Variants in TIPARP observed in about 807,000 individuals in gnomAD.
The protein encoded by TIPARP is TCDD inducible poly(ADP-ribose) polymerase, also known as protein mono-ADP-ribosyltransferase TIPARP.
TIPARP carries 12 observed loss-of-function variants against 56.5 expected under a neutral mutation model. The observed-to-expected ratio is 0.21, with a 90% CI of 0.14 to 0.34. The LOEUF is 0.34. TIPARP is among the 10% of genes least tolerant of loss of function. TIPARP has a pLI of 1.00. For missense variants in TIPARP, 604 were observed against 781.6 expected (o/e 0.77, Z 2.71); for synonymous variants, 296 against 265.7 (o/e 1.11, Z -1.11).
At chr3:156,696,115 A>G (rs1229039149) in intron 4 of TIPARP, 90 bp downstream of exon 4, 3 of 1,437,806 alleles carry the variant, frequency 2.1e-6, no homozygotes, top group African/African-American at 1.5e-5. Flanking sequence ...ATAAGAGTCT[A>G]CCTTGGTTAG....
At chr3:156,686,503 T>C (rs2108490384) in intron 2 of TIPARP, among the ~76,000 whole-genome samples, 1 of 152,328 alleles carries the variant, frequency 6.6e-6, no homozygotes, top group East Asian at 1.9e-4. Context: ...CATTCAAATC[T>C]CTAGTCTGCT....
chr3:156,705,325 T>A lies in TIPARP; in HGVS notation c.*194T>A. On this transcript the variant is annotated 3_prime_UTR_variant, in exon 6 of 6. Coordinates refer to ENST00000295924, the MANE Select transcript of TIPARP (RefSeq NM_015508.5). ...TTTAAAATGACCACTTACTCTTTAA[T>A]TATTTACTAATTGCTAGTGTACTCA... is the stretch of plus-strand genomic sequence containing the variant. 1 of 513,866 alleles carries A rather than the reference T, an allele frequency of 1.9e-6. No homozygotes were observed. Among genetic ancestry groups the A allele is most frequent in the South Asian group, 2.6e-5 (1 of 37,794 alleles). 31.8% of individuals were successfully genotyped at this position (513,866 alleles called of 1,614,324 possible). A position where few individuals can be genotyped will look rare whatever the true frequency, so the allele number is the denominator to read the frequency against.
intron 5 of TIPARP, 135 bp downstream of exon 5, chr3:156,703,837 C>T: frequency 2.2e-6 from 2 of 905,878 alleles, no homozygotes; most frequent in South Asian, 3.5e-5. Flanking sequence ...CACGGTGAAA[C>T]CCCGTCTCTA....
chr3:156,683,061 C>T (rs183544343), intron 2 of TIPARP, among the ~76,000 whole-genome samples: 17 of 152,264 alleles, frequency 1.1e-4, no homozygotes, highest in Admixed American at 3.9e-4. Context: ...GGTTTTTCAT[C>T]AATAAGCAGA....
At chr3:156,682,202 GCTAC>G (rs1722325880) in intron 2 of TIPARP, among the ~76,000 whole-genome samples, 1 of 152,164 alleles carries the variant, frequency 6.6e-6, no homozygotes, top group African/African-American at 2.4e-5. Flanking sequence ...TATTTTGGAG[GCTAC>G]CTGCAGGTGC....
chr3:156,677,864 T>C lies in TIPARP; in HGVS notation c.167T>C (p.Leu56Ser), dbSNP rs1722186320. ...KRLGTGTLRS[L>S]RPILNTLLES... is the part of the protein sequence containing the mutation. ...TTGGGAACTGGAACCCTGAGGTCTT[T>C]GAGGCCAATATTAAACACTCTTCTA... The change falls in exon 2 of 6, where the codon TTG (leucine) becomes TCG (serine). Residue 56 changes from leucine to serine, a missense_variant. This residue lies in a region of TIPARP where 261 missense variants were observed against 279.2 expected (regional missense o/e 0.93). Coordinates refer to ENST00000295924, the MANE Select transcript of TIPARP (RefSeq NM_015508.5). The C allele has an allele frequency of 6.2e-7, 1 of 1,614,156 alleles. No homozygotes were observed. The highest frequency in any genetic ancestry group is 8.5e-7 in the Non-Finnish European group (1 of 1,180,030).
chr3:156,682,521 AAG>A (rs1334057749), intron 2 of TIPARP, among the ~76,000 whole-genome samples: 1 of 152,222 alleles, frequency 6.6e-6, no homozygotes, highest in African/African-American at 2.4e-5. Flanking sequence ...CTCTATATAA[AAG>A]AGAAATGTAT....
At chr3:156,698,435 C>T (rs893698344) in intron 4 of TIPARP, among the ~76,000 whole-genome samples, 1 of 152,156 alleles carries the variant, frequency 6.6e-6, no homozygotes, top group African/African-American at 2.4e-5. Flanking sequence ...GCTATCTTGT[C>T]AAGGGCTAAT....
chr3:156,675,163 G>C (rs1370110941), intron 1 of TIPARP: 1 of 73,246 alleles, frequency 1.4e-5, no homozygotes, highest in Admixed American at 1.6e-4. Context: ...GCGCCTAGGA[G>C]CCCTTCCCAG....
In TIPARP at chr3:156,678,137, T is replaced by A. The variant is rs752087020; in HGVS notation, c.440T>A (p.Leu147His). ...GATCACAGCTTTCCATCAGAAACCC[T>A]CAGTGGGACGGTGGCAGATTCCACA... ...IQDHSFPSETLSGTVADSTPA... is the reference protein window; with the variant it reads ...IQDHSFPSETHSGTVADSTPA... Residue 147 changes from leucine to histidine, a missense_variant, in exon 2 of 6, where the codon CTC (leucine) becomes CAC (histidine). Transcript: ENST00000295924. The A allele has an allele frequency of 2.5e-6, 4 of 1,614,080 alleles. No homozygotes were observed. Among genetic ancestry groups the A allele is most frequent in the Non-Finnish European group, 3.4e-6 (4 of 1,180,022 alleles).
intron 1 of TIPARP, among the ~76,000 whole-genome samples, chr3:156,677,168 T>A (rs757272316): frequency 4.6e-5 from 7 of 152,250 alleles, no homozygotes; most frequent in Non-Finnish European, 1.0e-4. Context: ...ATTGACTCAC[T>A]GTTTTAAGTT....
intron 2 of TIPARP, among the ~76,000 whole-genome samples, chr3:156,686,091 C>T (rs528674775): frequency 6.6e-6 from 1 of 152,290 alleles, no homozygotes; most frequent in African/African-American, 2.4e-5. Flanking sequence ...AAAAGAAAGA[C>T]ATCCTTGAAT....
At chr3:156,681,224 A>G (rs1320230256) in intron 2 of TIPARP, 1 of 456,546 alleles carries the variant, frequency 2.2e-6, no homozygotes, top group East Asian at 6.9e-5. Flanking sequence ...GGCTAAAGCT[A>G]TTAATCTCTG....
At chr3:156,702,026 G>A (rs1722855776) in intron 4 of TIPARP, among the ~76,000 whole-genome samples, 2 of 10,196 alleles carry the variant, frequency 2.0e-4, no homozygotes, top group Non-Finnish European at 7.0e-4. Context: ...ATGCGGTGGT[G>A]GTGGTGGTGG....
chr3:156,675,011 T>TA (rs889641831), intron 1 of TIPARP: 1 of 152,274 alleles, frequency 6.6e-6, no homozygotes, highest in African/African-American at 2.4e-5. Flanking sequence ...CTTAGGCACT[T>TA]AGAGCCTGTG....
At chr3:156,702,462 A>G (rs1722873586) in intron 4 of TIPARP, among the ~76,000 whole-genome samples, 1 of 152,218 alleles carries the variant, frequency 6.6e-6, no homozygotes, top group Non-Finnish European at 1.5e-5. Flanking sequence ...TGGAGATGAG[A>G]CACACAAAGT....
chr3:156,706,497 T>C lies in TIPARP; in HGVS notation c.*1366T>C, dbSNP rs1402951483. On this transcript the variant is annotated 3_prime_UTR_variant, in exon 6 of 6. Coordinates refer to ENST00000295924, the MANE Select transcript of TIPARP (RefSeq NM_015508.5). The stretch of plus-strand genomic sequence containing the variant: ...CTGTTTATTAAGCACTTATCAGGGC[T>C]TCCACACACTTATTTATTTTGCCCT... 3.3e-5 allele frequency: 5 copies of C among 152,652 alleles called. No individual in the cohort carries two copies. The highest frequency in any genetic ancestry group is 5.9e-5 in the Non-Finnish European group (4 of 68,036). 9.5% of individuals were successfully genotyped at this position (152,652 alleles called of 1,614,324 possible). A position where few individuals can be genotyped will look rare whatever the true frequency, so the allele number is the denominator to read the frequency against.
chr3:156,695,073 C>G (rs893403594), intron 3 of TIPARP, among the ~76,000 whole-genome samples: 3 of 152,064 alleles, frequency 2.0e-5, no homozygotes, highest in South Asian at 2.1e-4. Context: ...CACTAGTTAT[C>G]TACCTTCCAA....
Position 156,678,480 on chromosome 3 carries a change from C to T in TIPARP, c.783C>T (p.His261=), listed in dbSNP as rs1722208181. ...ATGGCAGGGATTGTTTGAAGCACCA[C>T]ACTGTCTTGCCATATCATTGGCAGA... ...CIYGRDCLKH[H]TVLPYHWQIK... is the part of the protein sequence containing the mutation. Residue 261 remains histidine, a synonymous_variant, in exon 2 of 6, where the codon CAC becomes CAT. Coordinates refer to ENST00000295924, the MANE Select transcript of TIPARP (RefSeq NM_015508.5). 6.2e-7 allele frequency: 1 copy of T among 1,614,216 alleles called. No homozygotes were observed. Among genetic ancestry groups the T allele is most frequent in the Non-Finnish European group, 8.5e-7 (1 of 1,180,036 alleles).
Sources: gnomAD v4.1 joint callset for allele counts (sites outside exome capture counted in the v4.1 genomes callset) on GRCh38, gnomAD v4.1.1 for gene constraint, gnomAD v4.1.1 regional missense constraint, MANE v1.5 for transcripts, NCBI Gene and HGNC (gene_info 2026-07-23, HGNC 2026-07-21) for gene names.